HMCN1: variants seen among roughly 807,000 people sequenced by gnomAD.
HMCN1 encodes the protein hemicentin 1.
HMCN1 carries 321 observed loss-of-function variants against 625.9 expected under a neutral mutation model. The observed-to-expected ratio is 0.51, with a 90% CI of 0.47 to 0.56. The LOEUF (loss-of-function observed/expected upper bound fraction) is 0.56. HMCN1 is among the 20% of genes least tolerant of loss of function. HMCN1 has a pLI of 0.00. For missense variants in HMCN1, 6,588 were observed against 6,887.3 expected, an observed-to-expected ratio of 0.96 and a Z score of 1.54; for synonymous variants, 2,425 against 2,417.6, an observed-to-expected ratio of 1.00 and a Z score of -0.09.
At chr1:186,181,582 A>G (rs558870499) in intron 104 of HMCN1, among the ~76,000 whole-genome samples, 2 of 152,154 alleles carry the variant, frequency 1.3e-5, no homozygotes, top group Admixed American at 1.3e-4. Context: ...ACACAACTAT[A>G]TATGTATGTA....
At chr1:186,159,780 A>G (rs992835395) in intron 97 of HMCN1, among the ~76,000 whole-genome samples, 1 of 152,198 alleles carries the variant, frequency 6.6e-6, no homozygotes, top group African/African-American at 2.4e-5. Flanking sequence ...CCACTTGATC[A>G]TGGTGGATAA....
intron 11 of HMCN1, among the ~76,000 whole-genome samples, chr1:185,953,400 CA>C (rs1162252497): frequency 6.6e-6 from 1 of 151,884 alleles, no homozygotes; most frequent in African/African-American, 2.4e-5. Context: ...AATGATTAAA[CA>C]CCAGGGGAAG....
intron 1 of HMCN1, among the ~76,000 whole-genome samples, chr1:185,805,718 G>A (rs1041097803): frequency 6.6e-6 from 1 of 152,072 alleles, no homozygotes; most frequent in Non-Finnish European, 1.5e-5. Flanking sequence ...CTCTGTCACT[G>A]CCTCTCTCTA....
intron 25 of HMCN1, 56 bp downstream of exon 25, chr1:185,997,580 C>T: frequency 8.5e-7 from 1 of 1,178,056 alleles, no homozygotes; most frequent in Non-Finnish European, 1.3e-6. Flanking sequence ...TTTCAGAATG[C>T]TATATTGAAC....
chr1:186,100,150 AATG>A (rs1165586580), intron 68 of HMCN1, among the ~76,000 whole-genome samples: 2 of 152,116 alleles, frequency 1.3e-5, no homozygotes, highest in African/African-American at 2.4e-5. Flanking sequence ...GAAAAACAAC[AATG>A]ATATTCTTAG....
chr1:186,055,300 A>C (rs1657235240), intron 44 of HMCN1, 93 bp from the exon 45 acceptor site: 4 of 1,121,642 alleles, frequency 3.6e-6, no homozygotes, highest in South Asian at 1.3e-5. Context: ...TTAACATAAA[A>C]ATATATTTAA....
chr1:185,804,369 T>G (rs1659031009), intron 1 of HMCN1, among the ~76,000 whole-genome samples: 1 of 152,110 alleles, frequency 6.6e-6, no homozygotes, highest in African/African-American at 2.4e-5. Context: ...GTGGTCTGTT[T>G]GACAGTCATC....
chr1:186,161,811 C>G (rs567673769), intron 97 of HMCN1, among the ~76,000 whole-genome samples: 3,672 of 152,196 alleles, frequency 0.024, 136 homozygotes, highest in African/African-American at 0.083. Flanking sequence ...GATGGGCTTC[C>G]CTTTGTGGGT....
rs1188359439 is a variant in HMCN1, at chr1:185,981,034, A to G, written c.2623A>G (p.Lys875Glu). 6.2e-7 allele frequency: 1 copy of G among 1,612,460 alleles called. No homozygotes were observed. Among genetic ancestry groups the G allele is most frequent in the Non-Finnish European group, 8.5e-7 (1 of 1,178,542 alleles). ...TTGTGAAGCTGAAAACCAGTTTGGA[A>G]AGATCCAGTCAGAGACAACAGTAAC... The part of the protein sequence containing the change: ...YICEAENQFG[K>E]IQSETTVTVT... The change falls in exon 17 of 107, where the codon AAG becomes GAG. Residue 875 changes from lysine (K) to glutamate (E), a missense_variant. This residue lies in a region of HMCN1 where 4,628 missense variants were observed against 4,853.1 expected (regional missense o/e 0.95). Coordinates refer to ENST00000271588, the MANE Select transcript of HMCN1 (RefSeq NM_031935.3).
intron 11 of HMCN1, among the ~76,000 whole-genome samples, chr1:185,953,226 A>G (rs1334729317): frequency 6.6e-6 from 1 of 151,362 alleles, no homozygotes; most frequent in African/African-American, 2.4e-5. Flanking sequence ...GATACTTGCC[A>G]TTTCCCCAGA....
chr1:186,100,191 TA>T (rs1176146356), intron 68 of HMCN1, among the ~76,000 whole-genome samples: 13 of 152,136 alleles, frequency 8.5e-5, no homozygotes, highest in African/African-American at 3.1e-4. Flanking sequence ...AGCCTGCCTT[TA>T]ATAAAGTTGA....
rs1400419740 is a variant in HMCN1 at position 185,838,629 on chromosome 1, CACTT to C, written c.269-7394_269-7391del. ...CAAGGTCAATCATCCCATTGAACTT[CACTT>C]ACAAAACACAAATCCAAAAGAAAAA... On this transcript the variant is annotated intron_variant, in intron 1 of 106. Coordinates refer to ENST00000271588, the MANE Select transcript of HMCN1 (RefSeq NM_031935.3). Among the ~76,000 whole-genome samples, 4 of 152,188 alleles carry C rather than the reference CACTT, an allele frequency of 2.6e-5. No individual in the cohort carries two copies. In the East Asian group the frequency reaches 7.7e-4, roughly 29 times the overall value.
chr1:186,175,608 C>A (rs548534448), intron 103 of HMCN1, among the ~76,000 whole-genome samples: 97 of 152,106 alleles, frequency 6.4e-4, no homozygotes, highest in African/African-American at 2.1e-3. Context: ...TCAGCCATAA[C>A]CGTGACTTTT....
chr1:186,097,390 T>C (rs1660183325), intron 68 of HMCN1, among the ~76,000 whole-genome samples: 1 of 152,074 alleles, frequency 6.6e-6, no homozygotes, highest in Non-Finnish European at 1.5e-5. Flanking sequence ...GGGCCAACTG[T>C]GTATCCATGG....
chr1:185,858,024 T>C (rs1662581268), intron 2 of HMCN1, among the ~76,000 whole-genome samples: 1 of 152,206 alleles, frequency 6.6e-6, no homozygotes, highest in African/African-American at 2.4e-5. Flanking sequence ...GGAGTTTGCA[T>C]GAATTTTCAG....
At position 185,822,087 on chromosome 1, in the gene HMCN1, C is replaced by T. The variant is rs1474016427; in HGVS notation, c.269-23939C>T. Among the ~76,000 whole-genome samples the T allele has an allele frequency of 2.0e-5, 3 of 152,088 alleles. No homozygotes were observed. The East Asian group carries it at 5.8e-4, about 30-fold the overall frequency. On this transcript the variant is annotated intron_variant, in intron 1 of 106. Transcript: ENST00000271588. ...ATGAACAGGTGGAGCACAGAGGATT[C>T]TTGGGGCAGTGAAATTACTCCATGT... is the stretch of plus-strand genomic sequence containing the variant.
At chr1:185,927,071 C>T (rs374481229) in intron 9 of HMCN1, among the ~76,000 whole-genome samples, 1 of 152,134 alleles carries the variant, frequency 6.6e-6, no homozygotes, top group Non-Finnish European at 1.5e-5. Flanking sequence ...ATTACTTGTC[C>T]TTTCTGTATC....
chr1:186,121,372 A>G (rs79913709), intron 80 of HMCN1, among the ~76,000 whole-genome samples: 228 of 152,306 alleles, frequency 1.5e-3, no homozygotes, highest in African/African-American at 5.2e-3. Flanking sequence ...AAAGGGCAGG[A>G]CTGGAGTTGT....
intron 4 of HMCN1, among the ~76,000 whole-genome samples, chr1:185,899,445 G>A (rs1410473336): frequency 1.3e-5 from 2 of 152,076 alleles, no homozygotes. Flanking sequence ...TCTAGATTTT[G>A]TGAAATTTGC....
Sources: gnomAD v4.1 joint callset for allele counts (sites outside exome capture counted in the v4.1 genomes callset) on GRCh38, gnomAD v4.1.1 for gene constraint, gnomAD v4.1.1 regional missense constraint, MANE v1.5 for transcripts, NCBI Gene and HGNC (gene_info 2026-07-23, HGNC 2026-07-21) for gene names.